ITPRID1: variants seen among roughly 807,000 people sequenced by gnomAD.
ITPRID1 encodes protein ITPRID1.
In ITPRID1, 96 loss-of-function variants were observed where a neutral mutation model predicts 95.4. The ratio of observed to expected loss-of-function variants is 1.01; its 90% CI spans 0.85 to 1.19. The LOEUF (loss-of-function observed/expected upper bound fraction) is 1.19. Among genes scored for constraint, ITPRID1 ranks in the 50% most tolerant of loss-of-function variants. The pLI, the probability that ITPRID1 is intolerant of heterozygous loss-of-function variation, is 0.00. For missense variants in ITPRID1, 1,339 were observed against 1,252.9 expected (o/e 1.07, Z -1.04); for synonymous variants, 510 against 453.6 (o/e 1.12, Z -1.58).
chr7:31,625,609 CTGGGGA>C (rs1788381345), intron 10 of ITPRID1, among the ~76,000 whole-genome samples: 1 of 151,528 alleles, frequency 6.6e-6, no homozygotes, highest in Non-Finnish European at 1.5e-5. Context: ...ACATCACACT[CTGGGGA>C]CTGTTGTGGG....
intron 10 of ITPRID1, among the ~76,000 whole-genome samples, chr7:31,631,449 A>G (rs38375): frequency 0.39 from 59,276 of 152,074 alleles, 12,137 homozygotes; most frequent in Middle Eastern, 0.47. Context: ...GATTTTAGTC[A>G]TTTTCTTACG....
At chr7:31,525,649 C>T (rs1783401047) in intron 1 of ITPRID1, among the ~76,000 whole-genome samples, 1 of 152,024 alleles carries the variant, frequency 6.6e-6, no homozygotes, top group South Asian at 2.1e-4. Context: ...AGAAAGAATA[C>T]CAAATATTTG....
intron 10 of ITPRID1, among the ~76,000 whole-genome samples, chr7:31,632,463 A>G (rs1789098304): frequency 6.6e-6 from 1 of 152,154 alleles, no homozygotes; most frequent in African/African-American, 2.4e-5. Flanking sequence ...TAAATAAATA[A>G]AAATAAAAAT....
intron 1 of ITPRID1, among the ~76,000 whole-genome samples, chr7:31,531,607 G>A (rs1783599434): frequency 1.3e-5 from 2 of 152,126 alleles, no homozygotes; most frequent in South Asian, 4.1e-4. Flanking sequence ...CCAAAGAAAT[G>A]TATTACTCAC....
intron 10 of ITPRID1, among the ~76,000 whole-genome samples, chr7:31,623,900 G>A (rs955620218): frequency 6.6e-6 from 1 of 151,606 alleles, no homozygotes; most frequent in African/African-American, 2.4e-5. Flanking sequence ...ATCTCCTTAA[G>A]CTGATAAGCA....
chr7:31,553,138 G>C lies in ITPRID1; in HGVS notation c.114G>C (p.Leu38=), dbSNP rs1252810112. The part of the protein sequence containing the change: ...KSAWAPLDEW[L]PPDPEEESQS... ...CGTGGGCTCCGCTGGATGAGTGGCT[G>C]CCCCCTGACCCTGAGGAGGAAAGCC... The change falls in exon 3 of 15, where the codon CTG becomes CTC. Residue 38 remains leucine (L), a synonymous_variant. Transcript: ENST00000615280. The C allele has an allele frequency of 6.3e-7, 1 of 1,593,832 alleles. No individual in the cohort carries two copies. The highest frequency in any genetic ancestry group is 8.6e-7 in the Non-Finnish European group (1 of 1,169,346).
chr7:31,544,758 T>C (rs886199484), intron 1 of ITPRID1, among the ~76,000 whole-genome samples: 3 of 152,170 alleles, frequency 2.0e-5, no homozygotes, highest in Admixed American at 2.0e-4. Flanking sequence ...TCATTGAATC[T>C]ATTGATTTAA....
chr7:31,608,399 G>C (rs1047112593), intron 10 of ITPRID1, among the ~76,000 whole-genome samples: 2 of 151,826 alleles, frequency 1.3e-5, no homozygotes, highest in African/African-American at 4.8e-5. Flanking sequence ...CATATAAAAA[G>C]GTAGCTGAGA....
chr7:31,633,124 A>T (rs1789166155), intron 10 of ITPRID1, among the ~76,000 whole-genome samples: 1 of 151,878 alleles, frequency 6.6e-6, no homozygotes, highest in Non-Finnish European at 1.5e-5. Context: ...TGACCTCGTG[A>T]TCTGCCTGCC....
At chr7:31,641,819 C>A (rs1459131608) in intron 10 of ITPRID1, among the ~76,000 whole-genome samples, 1 of 152,114 alleles carries the variant, frequency 6.6e-6, no homozygotes, top group Non-Finnish European at 1.5e-5. Context: ...AAAATGTGGT[C>A]TTTCATTATT....
At chr7:31,519,604 CTCTCTCTCTCTCTCTCTATATA>C (rs1336097240) in intron 1 of ITPRID1, among the ~76,000 whole-genome samples, 1 of 57,906 alleles carries the variant, frequency 1.7e-5, no homozygotes, top group African/African-American at 6.0e-5. Context: ...CTCTCTCTCT[CTCTCTCTCTCTCTCTCTATATA>C]TATATATATA....
chr7:31,581,008 G>A (rs938125308), intron 9 of ITPRID1, among the ~76,000 whole-genome samples: 71 of 152,280 alleles, frequency 4.7e-4, no homozygotes, highest in African/African-American at 1.6e-3. Context: ...AATACCAGTG[G>A]ATGAGTAAAT....
chr7:31,542,555 A>G (rs1253117310), intron 1 of ITPRID1, among the ~76,000 whole-genome samples: 2 of 152,166 alleles, frequency 1.3e-5, no homozygotes, highest in Non-Finnish European at 2.9e-5. Flanking sequence ...CTTTCCCAAA[A>G]CAAACTTCCT....
intron 1 of ITPRID1, among the ~76,000 whole-genome samples, chr7:31,548,396 AC>A (rs1425194193): frequency 6.6e-6 from 1 of 152,202 alleles, no homozygotes; most frequent in Admixed American, 6.6e-5. Context: ...GGAAGCAGCA[AC>A]AAAGATCATA....
At chr7:31,642,546 TA>T in intron 11 of ITPRID1, 135 bp from the exon 12 acceptor site, 1 of 785,818 alleles carries the variant, frequency 1.3e-6, no homozygotes, top group Non-Finnish European at 2.0e-6. Flanking sequence ...GGTAAAGAGG[TA>T]AACAGATGCA....
chr7:31,519,633 T>TCC, intron 1 of ITPRID1, among the ~76,000 whole-genome samples: 2 of 128,626 alleles, frequency 1.6e-5, no homozygotes, highest in Non-Finnish European at 3.3e-5. Context: ...TATATATATA[T>TCC]ATATATATAT....
chr7:31,629,576 A>T (rs1192426916), intron 10 of ITPRID1, among the ~76,000 whole-genome samples: 1 of 152,350 alleles, frequency 6.6e-6, no homozygotes, highest in Non-Finnish European at 1.5e-5. Context: ...AGAAAATGAT[A>T]TGAAAAGATG....
chr7:31,543,552 G>A (rs980910128), intron 1 of ITPRID1, among the ~76,000 whole-genome samples: 9 of 151,858 alleles, frequency 5.9e-5, no homozygotes, highest in Admixed American at 1.3e-4. Flanking sequence ...CTTCATATGC[G>A]TATTTTCCAT....
intron 10 of ITPRID1, among the ~76,000 whole-genome samples, chr7:31,632,011 T>G (rs1259793524): frequency 6.6e-6 from 1 of 152,176 alleles, no homozygotes; most frequent in African/African-American, 2.4e-5. Context: ...CTGTTAGGAA[T>G]GAAGGCTTCC....
Sources: gnomAD v4.1 joint callset for allele counts (sites outside exome capture counted in the v4.1 genomes callset) on GRCh38, gnomAD v4.1.1 for gene constraint, MANE v1.5 for transcripts, NCBI Gene and HGNC (gene_info 2026-07-23, HGNC 2026-07-21) for gene names.